The following ZNRF2 variants were observed in gnomAD, a reference collection of about 807,000 sequenced individuals.
ZNRF2 encodes E3 ubiquitin-protein ligase ZNRF2.
Under a neutral mutation model 20.4 loss-of-function variants are expected in ZNRF2, and 16 were observed. The ratio of observed to expected loss-of-function variants is 0.79; its 90% confidence interval spans 0.53 to 1.19. ZNRF2 has a LOEUF of 1.19. ZNRF2 is among the 50% of genes most tolerant of loss of function. The pLI is 0.00. For synonymous variants in ZNRF2, 178 were observed against 144.9 expected, an observed-to-expected ratio of 1.23 and a Z score of -1.64; for missense variants, 363 against 332.4, an observed-to-expected ratio of 1.09 and a Z score of -0.72.
intron 1 of ZNRF2, among the ~76,000 whole-genome samples, chr7:30,312,661 T>C (rs1799309636): frequency 6.6e-6 from 1 of 152,236 alleles, no homozygotes; most frequent in Non-Finnish European, 1.5e-5. Context: ...GAGGAAGGTA[T>C]GTTTTAAAAT....
At chr7:30,358,865 C>G (rs1379270374) in intron 3 of ZNRF2, among the ~76,000 whole-genome samples, 3 of 152,076 alleles carry the variant, frequency 2.0e-5, no homozygotes, top group African/African-American at 7.2e-5. Context: ...TTGTTTTTTT[C>G]TCTCAAGTTA....
At chr7:30,317,050 A>G (rs1016284779) in intron 1 of ZNRF2, among the ~76,000 whole-genome samples, 2 of 151,954 alleles carry the variant, frequency 1.3e-5, no homozygotes, top group African/African-American at 4.8e-5. Context: ...ACGGAATTTG[A>G]AAAAAAATGC....
At chr7:30,286,249 G>A (rs1264481149) in intron 1 of ZNRF2, among the ~76,000 whole-genome samples, 1 of 152,200 alleles carries the variant, frequency 6.6e-6, no homozygotes, top group Non-Finnish European at 1.5e-5. Context: ...AAGGCCAAAA[G>A]TCAAAGCGTC....
At chr7:30,355,887 A>G in intron 3 of ZNRF2, 54 bp downstream of exon 3, 2 of 1,372,636 alleles carry the variant, frequency 1.5e-6, no homozygotes, top group Admixed American at 1.7e-5. Context: ...AGTTTCAGAC[A>G]TTGTAATTAG....
rs562652981 is a variant in ZNRF2, at chr7:30,305,698, C to A, written c.470-17944C>A. Among the ~76,000 whole-genome samples, 12 of 152,142 alleles carry A rather than the reference C, an allele frequency of 7.9e-5. No individual in the cohort carries two copies. In the South Asian group the frequency reaches 2.5e-3, roughly 32 times the overall value. ...TGTTGTAGATGAGGTTGACCAGTTACCAGCAATAAATATTGTTTCTCTAGT... is the reference window on the plus strand; with the variant it reads ...TGTTGTAGATGAGGTTGACCAGTTAACAGCAATAAATATTGTTTCTCTAGT... On this transcript the variant is annotated intron_variant, in intron 1 of 4. Transcript: ENST00000323037.
At chr7:30,343,772 A>G (rs957822093) in intron 2 of ZNRF2, among the ~76,000 whole-genome samples, 25 of 151,764 alleles carry the variant, frequency 1.6e-4, no homozygotes, top group Middle Eastern at 3.4e-3. Context: ...TTTGTTTGCA[A>G]TCCAATCTAA....
At chr7:30,315,864 A>G (rs1464202049) in intron 1 of ZNRF2, among the ~76,000 whole-genome samples, 1 of 152,028 alleles carries the variant, frequency 6.6e-6, no homozygotes, top group Non-Finnish European at 1.5e-5. Context: ...TCATTCAAAT[A>G]TTTGAGTGAT....
intron 1 of ZNRF2, among the ~76,000 whole-genome samples, chr7:30,313,738 T>C (rs77270013): frequency 1.3e-3 from 198 of 152,132 alleles, no homozygotes; most frequent in African/African-American, 4.5e-3. Flanking sequence ...TTCACATCAG[T>C]GAAGAATAAA....
At chr7:30,353,680 T>C (rs1454634481) in intron 2 of ZNRF2, among the ~76,000 whole-genome samples, 1 of 152,164 alleles carries the variant, frequency 6.6e-6, no homozygotes, top group African/African-American at 2.4e-5. Flanking sequence ...TCAAAGACTT[T>C]GAAGAGCTCT....
intron 2 of ZNRF2, among the ~76,000 whole-genome samples, chr7:30,329,262 A>C (rs1799600576): frequency 1.3e-5 from 2 of 152,186 alleles, no homozygotes; most frequent in Admixed American, 6.5e-5. Context: ...CCATCACTTC[A>C]AGCATTTATA....
At chr7:30,350,759 AG>A (rs2127955035) in intron 2 of ZNRF2, among the ~76,000 whole-genome samples, 1 of 152,086 alleles carries the variant, frequency 6.6e-6, no homozygotes, top group Admixed American at 6.6e-5. Flanking sequence ...TGATTTTTCT[AG>A]GGATTATTTC....
chr7:30,347,315 G>T (rs944171355), intron 2 of ZNRF2, among the ~76,000 whole-genome samples: 3 of 152,096 alleles, frequency 2.0e-5, no homozygotes, highest in Admixed American at 6.5e-5. Context: ...AAGAATTTTT[G>T]TTTGAATTTG....
intron 1 of ZNRF2, among the ~76,000 whole-genome samples, chr7:30,315,731 G>GC (rs1554294835): frequency 9.6e-6 from 1 of 104,674 alleles, no homozygotes; most frequent in Non-Finnish European, 2.0e-5. Flanking sequence ...GTGGGGCGGG[G>GC]GGGGGGGGGT....
At chr7:30,302,458 C>T (rs1298494542) in intron 1 of ZNRF2, among the ~76,000 whole-genome samples, 9 of 151,868 alleles carry the variant, frequency 5.9e-5, no homozygotes, top group South Asian at 2.1e-4. Flanking sequence ...GAAAAACCTC[C>T]GTCTTTAAGA....
At chr7:30,326,964 T>G (rs1799562686) in intron 2 of ZNRF2, among the ~76,000 whole-genome samples, 1 of 152,126 alleles carries the variant, frequency 6.6e-6, no homozygotes, top group Non-Finnish European at 1.5e-5. Flanking sequence ...CCTTTGCACA[T>G]TTTTTCATGG....
chr7:30,298,846 A>G (rs1799061167), intron 1 of ZNRF2, among the ~76,000 whole-genome samples: 1 of 152,118 alleles, frequency 6.6e-6, no homozygotes, highest in Non-Finnish European at 1.5e-5. Flanking sequence ...TTCCAGGGAT[A>G]TCTTGTGCTT....
At chr7:30,322,616 C>G (rs1282887385) in intron 1 of ZNRF2, among the ~76,000 whole-genome samples, 1 of 151,968 alleles carries the variant, frequency 6.6e-6, no homozygotes, top group Non-Finnish European at 1.5e-5. Flanking sequence ...TCTGCTTAAG[C>G]TCTTTACTGC....
chr7:30,367,195 C>A lies in ZNRF2; in HGVS notation c.*1183C>A, dbSNP rs1160424118. 6.6e-6 allele frequency: 1 copy of A among 152,402 alleles called. No homozygotes were observed. The highest frequency in any genetic ancestry group is 6.6e-5 in the Admixed American group (1 of 15,252). The allele number at this position is 152,402 out of a possible 1,614,324, so 9.4% of individuals were successfully genotyped here. A position where few individuals can be genotyped will look rare whatever the true frequency, so the allele number is the denominator to read the frequency against. ...AGATTTTGTTAATTTATAATTTATTCATGTGTTATTACTGTAATTGAAAAT... is the reference window on the plus strand; with the variant it reads ...AGATTTTGTTAATTTATAATTTATTAATGTGTTATTACTGTAATTGAAAAT... On this transcript the variant is annotated 3_prime_UTR_variant, in exon 5 of 5. Transcript: ENST00000323037.
At chr7:30,352,597 A>G (rs1799976348) in intron 2 of ZNRF2, among the ~76,000 whole-genome samples, 1 of 152,032 alleles carries the variant, frequency 6.6e-6, no homozygotes, top group African/African-American at 2.4e-5. Flanking sequence ...TTCCCTGTTG[A>G]CAATCTCTTG....
Sources: gnomAD v4.1 joint callset for allele counts (sites outside exome capture counted in the v4.1 genomes callset) on GRCh38, gnomAD v4.1.1 for gene constraint, MANE v1.5 for transcripts, NCBI Gene and HGNC (gene_info 2026-07-23, HGNC 2026-07-21) for gene names.